The following MAD1L1 variants were observed in gnomAD, a reference collection of about 807,000 sequenced individuals.
MAD1L1 encodes the protein mitotic spindle assembly checkpoint protein MAD1.
In MAD1L1, 95 loss-of-function variants were observed where a neutral mutation model predicts 96.9. The ratio of observed to expected loss-of-function variants is 0.98; its 90% CI spans 0.83 to 1.16. MAD1L1 has a LOEUF of 1.16. Ranked by LOEUF, MAD1L1 falls within the 50% of genes most tolerant of loss-of-function variation. The pLI is 0.00. For missense variants in MAD1L1, 1,007 were observed against 954.4 expected (o/e 1.06, Z -0.73); for synonymous variants, 473 against 396.6 (o/e 1.19, Z -2.29).
At chr7:1,827,133 C>T (rs1178708985) in intron 18 of MAD1L1, among the ~76,000 whole-genome samples, 2 of 152,182 alleles carry the variant, frequency 1.3e-5, no homozygotes, top group Non-Finnish European at 2.9e-5. Flanking sequence ...GCATCCGCCA[C>T]GGGCGGCTCC....
chr7:1,916,266 G>T (rs1788388348), intron 17 of MAD1L1, among the ~76,000 whole-genome samples: 1 of 152,162 alleles, frequency 6.6e-6, no homozygotes, highest in African/African-American at 2.4e-5. Flanking sequence ...CCTCCCGTCT[G>T]GAGGAACGAA....
intron 10 of MAD1L1, among the ~76,000 whole-genome samples, chr7:2,151,169 G>C (rs552012072): frequency 7.9e-5 from 12 of 152,350 alleles, no homozygotes; most frequent in Admixed American, 1.3e-4. Context: ...TGAAACATTT[G>C]AATGAGATAT....
At chr7:1,878,111 C>T (rs1785479208) in intron 18 of MAD1L1, among the ~76,000 whole-genome samples, 1 of 151,996 alleles carries the variant, frequency 6.6e-6, no homozygotes, top group East Asian at 1.9e-4. Context: ...CAAGAAGATA[C>T]AAATGACCAA....
chr7:1,993,198 G>GC (rs1269377215), intron 14 of MAD1L1, among the ~76,000 whole-genome samples: 5 of 152,186 alleles, frequency 3.3e-5, no homozygotes, highest in Non-Finnish European at 5.9e-5. Context: ...GGGTCATATG[G>GC]CAAGTGTGCA....
chr7:2,163,263 T>G (rs1790254219), intron 10 of MAD1L1, among the ~76,000 whole-genome samples: 1 of 152,216 alleles, frequency 6.6e-6, no homozygotes, highest in Non-Finnish European at 1.5e-5. Context: ...AGGGGCTTGC[T>G]CTGGGAGTGT....
intron 18 of MAD1L1, among the ~76,000 whole-genome samples, chr7:1,885,876 G>A (rs1785986591): frequency 6.6e-6 from 1 of 152,212 alleles, no homozygotes; most frequent in Admixed American, 6.5e-5. Flanking sequence ...ATGGAGCAGG[G>A]CAGGCAGACA....
chr7:1,956,738 G>A (rs1004189031), intron 16 of MAD1L1, among the ~76,000 whole-genome samples: 2 of 152,262 alleles, frequency 1.3e-5, no homozygotes, highest in African/African-American at 4.8e-5. Context: ...CACGCCGTCT[G>A]CGCAGAACAG....
intron 18 of MAD1L1, among the ~76,000 whole-genome samples, chr7:1,833,250 T>G (rs1305193069): frequency 2.6e-5 from 4 of 152,264 alleles, no homozygotes; most frequent in Non-Finnish European, 4.4e-5. Context: ...CACAGTGATC[T>G]GGAACCAAAT....
chr7:1,888,481 T>G (rs1350826270), intron 18 of MAD1L1, among the ~76,000 whole-genome samples: 1 of 151,596 alleles, frequency 6.6e-6, no homozygotes, highest in African/African-American at 2.4e-5. Context: ...CCTGTTCATG[T>G]GTGCATGCAT....
chr7:1,936,479 T>C (rs1006896331), intron 17 of MAD1L1, among the ~76,000 whole-genome samples: 1 of 152,162 alleles, frequency 6.6e-6, no homozygotes, highest in Non-Finnish European at 1.5e-5. Context: ...CTCGGATGGC[T>C]CCACCTGTTT....
chr7:1,929,444 C>T (rs1350681001), intron 17 of MAD1L1, among the ~76,000 whole-genome samples: 2 of 152,188 alleles, frequency 1.3e-5, no homozygotes, highest in African/African-American at 2.4e-5. Context: ...GCACGGGAGG[C>T]CGGGCTTTGG....
At chr7:1,952,326 C>T (rs1035828219) in intron 16 of MAD1L1, among the ~76,000 whole-genome samples, 6 of 152,224 alleles carry the variant, frequency 3.9e-5, no homozygotes, top group Admixed American at 6.5e-5. Context: ...CCCGGCGGCC[C>T]GGTCCGGAGT....
chr7:1,889,504 G>A (rs1583670368), intron 18 of MAD1L1, among the ~76,000 whole-genome samples: 1 of 152,318 alleles, frequency 6.6e-6, no homozygotes, highest in Admixed American at 6.5e-5. Context: ...TGCACATCCT[G>A]AGGCTTGTCG....
At chr7:2,034,483 T>C (rs1485473751) in intron 12 of MAD1L1, among the ~76,000 whole-genome samples, 1 of 152,206 alleles carries the variant, frequency 6.6e-6, no homozygotes, top group Non-Finnish European at 1.5e-5. Flanking sequence ...CCCAAAGTGC[T>C]AGGATTACAG....
intron 18 of MAD1L1, among the ~76,000 whole-genome samples, chr7:1,822,593 G>T (rs1782185135): frequency 2.6e-5 from 4 of 151,886 alleles, no homozygotes; most frequent in Admixed American, 2.6e-4. Context: ...ACTCATGGCT[G>T]TATTTTTTTC....
At chr7:2,050,678 C>G (rs1428318916) in intron 12 of MAD1L1, among the ~76,000 whole-genome samples, 1 of 152,102 alleles carries the variant, frequency 6.6e-6, no homozygotes, top group African/African-American at 2.4e-5. Context: ...TTGGGTGTGC[C>G]GTGACACCAA....
At chr7:1,820,004 G>A (rs1352812177) in intron 18 of MAD1L1, among the ~76,000 whole-genome samples, 1 of 152,100 alleles carries the variant, frequency 6.6e-6, no homozygotes, top group Admixed American at 6.6e-5. Context: ...GAGAAGACAC[G>A]CAGGAAATGG....
chr7:1,969,560 G>A (rs1780317021), intron 15 of MAD1L1, among the ~76,000 whole-genome samples: 1 of 152,114 alleles, frequency 6.6e-6, no homozygotes, highest in African/African-American at 2.4e-5. Context: ...TATCCAAATT[G>A]GAAAAGAAAA....
chr7:1,838,689 G>C (rs1351514682), intron 18 of MAD1L1: 2 of 447,730 alleles, frequency 4.5e-6, no homozygotes, highest in African/African-American at 2.0e-5. Flanking sequence ...GATGGCTATG[G>C]GGCACGTTTC....
Sources: gnomAD v4.1 joint callset for allele counts (sites outside exome capture counted in the v4.1 genomes callset) on GRCh38, gnomAD v4.1.1 for gene constraint, MANE v1.5 for transcripts, NCBI Gene and HGNC (gene_info 2026-07-23, HGNC 2026-07-21) for gene names.